Variants in ADAMTS17 observed in about 807,000 individuals in gnomAD.
The protein encoded by ADAMTS17 is A disintegrin and metalloproteinase with thrombospondin motifs 17.
Under a neutral mutation model 141.5 loss-of-function variants are expected in ADAMTS17, and 113 were observed. That is an observed-to-expected ratio of 0.80 (90% CI 0.69 to 0.93). The LOEUF (loss-of-function observed/expected upper bound fraction) is 0.93. Among genes scored for constraint, ADAMTS17 ranks in the 40% least tolerant of loss-of-function variants. The pLI is 0.00. For missense variants in ADAMTS17, 1,659 were observed against 1,517.9 expected (o/e 1.09, Z -1.54); for synonymous variants, 768 against 630.6 (o/e 1.22, Z -3.27).
chr15:100,228,729 G>A (rs1596321217), intron 7 of ADAMTS17, among the ~76,000 whole-genome samples: 1 of 152,340 alleles, frequency 6.6e-6, no homozygotes, highest in East Asian at 1.9e-4. Flanking sequence ...TCCATGCAGA[G>A]TGAGGTCTGC....
chr15:100,336,575 A>G (rs1370490746), intron 2 of ADAMTS17, among the ~76,000 whole-genome samples: 1 of 152,204 alleles, frequency 6.6e-6, no homozygotes, highest in African/African-American at 2.4e-5. Context: ...CAGCAATAAT[A>G]AGTAATCACT....
intron 18 of ADAMTS17, among the ~76,000 whole-genome samples, chr15:100,003,367 G>T (rs1196388121): frequency 6.6e-6 from 1 of 152,050 alleles, no homozygotes; most frequent in African/African-American, 2.4e-5. Context: ...GGTGAACACG[G>T]GGCTGTGGGG....
At chr15:100,153,367 T>C (rs955324095) in intron 9 of ADAMTS17, among the ~76,000 whole-genome samples, 8 of 151,850 alleles carry the variant, frequency 5.3e-5, no homozygotes, top group African/African-American at 1.9e-4. Context: ...GGGGCCGGGC[T>C]CGGGGGCTCA....
At chr15:100,001,368 TTA>T (rs1491515451) in intron 18 of ADAMTS17, among the ~76,000 whole-genome samples, 1 of 151,744 alleles carries the variant, frequency 6.6e-6, no homozygotes, top group Non-Finnish European at 1.5e-5. Context: ...TTTTTTTTTT[TTA>T]AAGAAGGAAA....
rs534200409 is a variant in ADAMTS17 at position 100,088,930 on chromosome 15, C to G, written c.2137+7426G>C. ...TTACCATTCAGGACATAGGCATGGG[C>G]AAGGACTTCATGTCTAAAACACCAA... is the stretch of plus-strand genomic sequence containing the variant. On this transcript the variant is annotated intron_variant, in intron 15 of 21. Coordinates refer to ENST00000268070, the MANE Select transcript of ADAMTS17 (RefSeq NM_139057.4). Among the ~76,000 whole-genome samples the G allele has an allele frequency of 8.5e-5, 13 of 152,076 alleles. No individual in the cohort carries two copies. The South Asian group carries it at 2.3e-3, about 27-fold the overall frequency.
At chr15:100,018,042 C>T (rs1224207743) in intron 18 of ADAMTS17, among the ~76,000 whole-genome samples, 1 of 152,210 alleles carries the variant, frequency 6.6e-6, no homozygotes, top group Non-Finnish European at 1.5e-5. Context: ...TACACTGAAA[C>T]TCGGTGCCCA....
chr15:100,010,318 C>CGTG (rs1298065126), intron 18 of ADAMTS17, among the ~76,000 whole-genome samples: 1 of 152,174 alleles, frequency 6.6e-6, no homozygotes, highest in East Asian at 1.9e-4. Context: ...TGTGTGAGGA[C>CGTG]TGAATGATAA....
At chr15:100,195,667 A>G (rs971451695) in intron 8 of ADAMTS17, among the ~76,000 whole-genome samples, 1 of 151,452 alleles carries the variant, frequency 6.6e-6, no homozygotes, top group African/African-American at 2.4e-5. Context: ...AAAAAAAAAA[A>G]TCTGTCAATC....
At chr15:100,154,300 A>G (rs1412562285) in intron 9 of ADAMTS17, among the ~76,000 whole-genome samples, 10 of 152,242 alleles carry the variant, frequency 6.6e-5, no homozygotes, top group African/African-American at 2.2e-4. Flanking sequence ...CTCAGTGGGA[A>G]GTAGACTACA....
chr15:100,197,099 G>C (rs2041148949), intron 8 of ADAMTS17, among the ~76,000 whole-genome samples: 1 of 152,210 alleles, frequency 6.6e-6, no homozygotes. Context: ...CTCCGCTGCA[G>C]GGAGGCCAGT....
At chr15:100,000,867 T>C (rs964089238) in intron 18 of ADAMTS17, among the ~76,000 whole-genome samples, 2 of 152,188 alleles carry the variant, frequency 1.3e-5, no homozygotes, top group African/African-American at 4.8e-5. Flanking sequence ...AGAAGAGACA[T>C]AGTCTCAAAT....
At chr15:100,143,665 GCAGA>G (rs1488198537) in intron 10 of ADAMTS17, among the ~76,000 whole-genome samples, 1 of 152,112 alleles carries the variant, frequency 6.6e-6, no homozygotes, top group Non-Finnish European at 1.5e-5. Flanking sequence ...CTAGCATTCT[GCAGA>G]CAGACATTCA....
intron 3 of ADAMTS17, among the ~76,000 whole-genome samples, chr15:100,294,900 C>T (rs559824209): frequency 6.6e-6 from 1 of 152,132 alleles, no homozygotes; most frequent in Non-Finnish European, 1.5e-5. Context: ...TGTCTCTCAC[C>T]AAGGTGGGAA....
intron 18 of ADAMTS17, among the ~76,000 whole-genome samples, chr15:100,036,712 C>G (rs531757959): frequency 4.6e-5 from 7 of 152,268 alleles, no homozygotes; most frequent in Admixed American, 6.5e-5. Flanking sequence ...TCCTGTAACC[C>G]TTTAGTTATC....
Position 100,052,909 on chromosome 15 carries a change from G to A in ADAMTS17, c.2295+988C>T, listed in dbSNP as rs551663376. On this transcript the variant is annotated intron_variant, in intron 16 of 21. Coordinates refer to ENST00000268070, the MANE Select transcript of ADAMTS17 (RefSeq NM_139057.4). ...ATTTTAACGGGGTTAACACCACTAC[G>A]GGGCAACGCCCACCCTGGGGGCCAG... Among the ~76,000 whole-genome samples the A allele has an allele frequency of 4.6e-5, 7 of 152,308 alleles. No individual in the cohort carries two copies. In the East Asian group the frequency reaches 9.6e-4, roughly 21 times the overall value.
intron 3 of ADAMTS17, among the ~76,000 whole-genome samples, chr15:100,328,152 A>G (rs1025060070): frequency 2.0e-5 from 3 of 152,210 alleles, no homozygotes; most frequent in African/African-American, 7.2e-5. Flanking sequence ...TCCCATGGGA[A>G]AGCTTGGATT....
chr15:100,183,019 C>T (rs748614502), intron 8 of ADAMTS17, among the ~76,000 whole-genome samples: 19 of 151,956 alleles, frequency 1.3e-4, no homozygotes, highest in African/African-American at 4.4e-4. Context: ...GACAGAGTCT[C>T]GCACTGTCAC....
At chr15:100,260,083 G>A (rs1024692409) in intron 6 of ADAMTS17, among the ~76,000 whole-genome samples, 3 of 151,934 alleles carry the variant, frequency 2.0e-5, no homozygotes, top group Admixed American at 2.0e-4. Context: ...GACCTCAGGT[G>A]ATCCGCCCGC....
At chr15:100,017,447 C>T (rs1218165082) in intron 18 of ADAMTS17, among the ~76,000 whole-genome samples, 1 of 152,212 alleles carries the variant, frequency 6.6e-6, no homozygotes, top group African/African-American at 2.4e-5. Context: ...CTGTGGTGTT[C>T]AGCCTCTCCT....
Sources: allele counts gnomAD v4.1 joint callset (sites outside exome capture counted in the v4.1 genomes callset), GRCh38; gene constraint gnomAD v4.1.1; transcripts MANE v1.5; gene names NCBI Gene and HGNC (gene_info 2026-07-23, HGNC 2026-07-21).